Variants in CATSPERT observed in about 807,000 individuals in gnomAD.
CATSPERT encodes the protein catsper channel auxiliary subunit tau, also known as cation channel sperm-associated targeting subunit tau.
chr2:201,584,435 G>A, the CATSPERT span, among the ~76,000 whole-genome samples: 2 of 152,112 alleles, frequency 1.3e-5, no homozygotes, highest in African/African-American at 4.8e-5. Flanking sequence ...GTTAACCAGA[G>A]TCCAAGGAAA....
chr2:201,602,007 T>C, the CATSPERT span: 2 of 667,424 alleles, frequency 3.0e-6, no homozygotes, highest in Non-Finnish European at 2.3e-6. Flanking sequence ...CATTAAACAA[T>C]AGAAAAAAAG....
the CATSPERT span, among the ~76,000 whole-genome samples, chr2:201,575,123 T>G: frequency 6.6e-6 from 1 of 151,724 alleles, no homozygotes; most frequent in African/African-American, 2.4e-5. Flanking sequence ...TATTGTACTT[T>G]CTATTTCATA....
the CATSPERT span, chr2:201,575,364 C>T: frequency 2.0e-6 from 3 of 1,516,244 alleles, no homozygotes; most frequent in Admixed American, 5.6e-5. Context: ...ATAGAATTAC[C>T]CATGTATTTC....
the CATSPERT span, among the ~76,000 whole-genome samples, chr2:201,543,888 T>C: frequency 6.6e-6 from 1 of 152,176 alleles, no homozygotes; most frequent in Admixed American, 6.5e-5. Context: ...CTTTAAGTTC[T>C]AGGGTACATG....
chr2:201,568,525 TCAAA>T, the CATSPERT span, among the ~76,000 whole-genome samples: 2 of 152,118 alleles, frequency 1.3e-5, no homozygotes, highest in Non-Finnish European at 2.9e-5. Context: ...GTTAATTTGC[TCAAA>T]CAATGAAACC....
the CATSPERT span, among the ~76,000 whole-genome samples, chr2:201,604,145 A>ATGTGTGTGTGTGTGTG: frequency 6.7e-6 from 1 of 148,282 alleles, no homozygotes; most frequent in Admixed American, 6.7e-5. Context: ...GTGTGTGTGT[A>ATGTGTGTGTGTGTGTG]TGTGTGTGTG....
the CATSPERT span, among the ~76,000 whole-genome samples, chr2:201,591,368 T>A: frequency 6.6e-6 from 1 of 152,254 alleles, no homozygotes; most frequent in Non-Finnish European, 1.5e-5. Context: ...ACCAGTACCA[T>A]GCTGTTTTGG....
the CATSPERT span, among the ~76,000 whole-genome samples, chr2:201,591,382 C>A: frequency 6.6e-6 from 1 of 152,140 alleles, no homozygotes; most frequent in Non-Finnish European, 1.5e-5. Context: ...GTTTTGGTTA[C>A]TGTAGTCTTG....
chr2:201,597,708 GT>G, the CATSPERT span, among the ~76,000 whole-genome samples: 1 of 152,114 alleles, frequency 6.6e-6, no homozygotes, highest in South Asian at 2.1e-4. Context: ...GTTCCTTCAT[GT>G]AGTTTTCTGT....
the CATSPERT span, among the ~76,000 whole-genome samples, chr2:201,516,863 G>A: frequency 2.2e-4 from 34 of 152,012 alleles, no homozygotes; most frequent in Admixed American, 1.3e-3. Flanking sequence ...TTTCAGACTA[G>A]GTGCGTAGGG....
chr2:201,545,462 A>G, the CATSPERT span: 1 of 960,962 alleles, frequency 1.0e-6, no homozygotes, highest in Non-Finnish European at 1.5e-6. Context: ...TACTTAAAGC[A>G]AATTACTAAT....
At chr2:201,552,911 G>C in the CATSPERT span, 1 of 152,026 alleles carries the variant, frequency 6.6e-6, no homozygotes, top group Admixed American at 6.6e-5. Flanking sequence ...TCCTGACCAC[G>C]TACAGGAATA....
At chr2:201,556,235 T>G in the CATSPERT span, among the ~76,000 whole-genome samples, 3 of 152,030 alleles carry the variant, frequency 2.0e-5, no homozygotes, top group African/African-American at 7.3e-5. Flanking sequence ...TCAGGCCGGG[T>G]GCAGTGGCTT....
At chr2:201,525,852 A>G in the CATSPERT span, among the ~76,000 whole-genome samples, 1 of 152,182 alleles carries the variant, frequency 6.6e-6, no homozygotes, top group Admixed American at 6.5e-5. Context: ...TATACACACA[A>G]GCTAGAAAAC....
chr2:201,542,390 G>A, the CATSPERT span, among the ~76,000 whole-genome samples: 1 of 152,178 alleles, frequency 6.6e-6, no homozygotes, highest in African/African-American at 2.4e-5. Flanking sequence ...ACACCCAGAA[G>A]TGAAATGGCA....
chr2:201,527,512 T>C, the CATSPERT span, among the ~76,000 whole-genome samples: 2 of 152,068 alleles, frequency 1.3e-5, no homozygotes, highest in Non-Finnish European at 2.9e-5. Flanking sequence ...CAAACTACAG[T>C]ACAAGGTTAC....
the CATSPERT span, among the ~76,000 whole-genome samples, chr2:201,495,514 G>A: frequency 2.0e-5 from 3 of 151,788 alleles, no homozygotes; most frequent in East Asian, 1.9e-4. Context: ...CTCTTTTTTC[G>A]TACTTCTGTG....
At chr2:201,566,459 G>A in the CATSPERT span, among the ~76,000 whole-genome samples, 1 of 148,424 alleles carries the variant, frequency 6.7e-6, no homozygotes, top group East Asian at 2.0e-4. Flanking sequence ...TGCAGTGTTT[G>A]GTTTTTTGTC....
chr2:201,561,246 C>G, the CATSPERT span, among the ~76,000 whole-genome samples: 3 of 152,152 alleles, frequency 2.0e-5, no homozygotes, highest in African/African-American at 7.2e-5. Flanking sequence ...AGCATATTCA[C>G]CAAATGGAAT....
Sources: allele counts gnomAD v4.1 joint callset (sites outside exome capture counted in the v4.1 genomes callset), GRCh38; gene constraint gnomAD v4.1.1; transcripts MANE v1.5; gene names NCBI Gene and HGNC (gene_info 2026-07-23, HGNC 2026-07-21).